CDH13: variants seen among roughly 807,000 people sequenced by gnomAD.
CDH13 encodes cadherin-13.
A neutral mutation model predicts 63.8 loss-of-function variants in CDH13; 24 were observed. That is an observed-to-expected ratio of 0.38 (90% CI 0.27 to 0.53). The LOEUF is 0.53. Ranked by LOEUF, CDH13 falls within the 20% of genes least tolerant of loss-of-function variation. The pLI is 0.85. For synonymous variants in CDH13, 503 were observed against 355.3 expected (o/e 1.42, Z -4.67); for missense variants, 1,049 against 903.1 (o/e 1.16, Z -2.07).
chr16:83,331,774 A>G (rs2090485204), intron 5 of CDH13, among the ~76,000 whole-genome samples: 2 of 152,192 alleles, frequency 1.3e-5, no homozygotes, highest in Non-Finnish European at 2.9e-5. Context: ...TACCATTAGT[A>G]TATTTTTACA....
intron 3 of CDH13, among the ~76,000 whole-genome samples, chr16:83,074,307 C>A (rs1439966575): frequency 6.6e-6 from 1 of 152,162 alleles, no homozygotes; most frequent in Non-Finnish European, 1.5e-5. Context: ...AAGGTTGCAG[C>A]AAATAATATG....
chr16:82,673,519 C>G (rs1053496725), intron 1 of CDH13, among the ~76,000 whole-genome samples: 1 of 152,178 alleles, frequency 6.6e-6, no homozygotes. Context: ...AACCCCAGCC[C>G]TGGTGGAGCT....
intron 7 of CDH13, among the ~76,000 whole-genome samples, chr16:83,526,957 C>A (rs1490539868): frequency 6.6e-6 from 1 of 151,974 alleles, no homozygotes; most frequent in Non-Finnish European, 1.5e-5. Context: ...CATGGTGAAA[C>A]CCCGTCTATA....
intron 2 of CDH13, among the ~76,000 whole-genome samples, chr16:82,938,861 G>A (rs1261984408): frequency 6.6e-6 from 1 of 152,174 alleles, no homozygotes; most frequent in African/African-American, 2.4e-5. Context: ...GTTCCCTTCA[G>A]CTGGAGGTAC....
intron 8 of CDH13, among the ~76,000 whole-genome samples, chr16:83,609,890 C>T (rs933421176): frequency 3.3e-5 from 5 of 152,044 alleles, no homozygotes; most frequent in Admixed American, 6.5e-5. Flanking sequence ...GCCCATTCCC[C>T]CACGCTGGCC....
intron 2 of CDH13, among the ~76,000 whole-genome samples, chr16:82,908,590 C>T (rs563138445): frequency 6.6e-6 from 1 of 152,132 alleles, no homozygotes; most frequent in Non-Finnish European, 1.5e-5. Context: ...CAGATATTCC[C>T]TTTTCCTCCT....
At chr16:83,215,656 C>T (rs1326112808) in intron 4 of CDH13, among the ~76,000 whole-genome samples, 2 of 145,510 alleles carry the variant, frequency 1.4e-5, no homozygotes, top group Non-Finnish European at 3.0e-5. Context: ...GGTGGTGGAG[C>T]AGGGGGCGGG....
intron 2 of CDH13, among the ~76,000 whole-genome samples, chr16:82,960,068 G>T (rs1010562830): frequency 6.6e-6 from 1 of 152,172 alleles, no homozygotes; most frequent in African/African-American, 2.4e-5. Context: ...TCCTATTCAT[G>T]TTTTAAAAAC....
chr16:82,859,928 A>G lies in CDH13; in HGVS notation c.157+1455A>G, dbSNP rs560741806. 8.5e-5 allele frequency among the ~76,000 whole-genome samples: 13 copies of G among 152,334 alleles called. No homozygotes were observed. The East Asian group carries it at 2.5e-3, about 29-fold the overall frequency. ...TAATTAGTCTGTAATGACAAGGTGC[A>G]GGGCTGGCACAATAAGTGAATTCCA... is the stretch of plus-strand genomic sequence containing the variant. On this transcript the variant is annotated intron_variant, in intron 2 of 13. Coordinates refer to ENST00000567109, the MANE Select transcript of CDH13 (RefSeq NM_001257.5).
intron 7 of CDH13, among the ~76,000 whole-genome samples, chr16:83,563,200 T>C (rs1469635454): frequency 6.6e-6 from 1 of 152,236 alleles, no homozygotes; most frequent in African/African-American, 2.4e-5. Flanking sequence ...TGCTTCCTCT[T>C]CTTAGGAGTC....
chr16:82,907,006 A>G (rs12596930), intron 2 of CDH13, among the ~76,000 whole-genome samples: 44,282 of 152,068 alleles, frequency 0.29, 8,030 homozygotes, highest in East Asian at 0.81. Flanking sequence ...GAGGTTCTGG[A>G]TGAACATGGA....
intron 3 of CDH13, among the ~76,000 whole-genome samples, chr16:83,078,036 C>G (rs545011903): frequency 6.6e-6 from 1 of 152,276 alleles, no homozygotes; most frequent in East Asian, 1.9e-4. Context: ...TTGTTTTTGG[C>G]TTGGCTAAAG....
chr16:83,300,825 G>A (rs1432916661), intron 5 of CDH13, among the ~76,000 whole-genome samples: 1 of 152,080 alleles, frequency 6.6e-6, no homozygotes, highest in African/African-American at 2.4e-5. Context: ...ACATTTTACT[G>A]TGTATGTGAT....
At chr16:83,275,840 G>A (rs113433439) in intron 5 of CDH13, among the ~76,000 whole-genome samples, 4,146 of 152,282 alleles carry the variant, frequency 0.027, 84 homozygotes, top group Non-Finnish European at 0.043. Flanking sequence ...GAAGGAAAGA[G>A]GGGTGAGGGA....
intron 1 of CDH13, among the ~76,000 whole-genome samples, chr16:82,836,403 G>A (rs1438751905): frequency 1.3e-5 from 2 of 152,132 alleles, no homozygotes; most frequent in South Asian, 2.1e-4. Context: ...ACCCGCCTTG[G>A]CCTCCCAAAG....
intron 6 of CDH13, among the ~76,000 whole-genome samples, chr16:83,454,877 T>C (rs1260284496): frequency 6.6e-6 from 1 of 152,088 alleles, no homozygotes. Flanking sequence ...TGGCTAAGTT[T>C]TGTATTTTTT....
chr16:83,429,909 C>G (rs993067376), intron 6 of CDH13, among the ~76,000 whole-genome samples: 1 of 152,194 alleles, frequency 6.6e-6, no homozygotes, highest in Non-Finnish European at 1.5e-5. Context: ...TTCAGCTTGC[C>G]TGGCTGAAAA....
intron 5 of CDH13, among the ~76,000 whole-genome samples, chr16:83,302,403 A>C (rs1184113426): frequency 6.6e-6 from 1 of 152,212 alleles, no homozygotes; most frequent in Non-Finnish European, 1.5e-5. Flanking sequence ...CAGCTCTGTA[A>C]ATATTAGTCG....
rs181347568 is a variant in CDH13, at chr16:82,662,741, T to C, written c.45+35604T>C. On this transcript the variant is annotated intron_variant, in intron 1 of 13. Coordinates refer to ENST00000567109, the MANE Select transcript of CDH13 (RefSeq NM_001257.5). ...AAGGGGGCAGATCACTGGGCTTAAATGTCAAATAGCGCCTGAGAGGCTTAA... is the reference window on the plus strand; with the variant it reads ...AAGGGGGCAGATCACTGGGCTTAAACGTCAAATAGCGCCTGAGAGGCTTAA... Among the ~76,000 whole-genome samples the C allele has an allele frequency of 1.1e-4, 17 of 152,318 alleles. No individual in the cohort carries two copies. The East Asian group carries it at 3.1e-3, about 28-fold the overall frequency.
Sources: gnomAD v4.1 joint callset for allele counts (sites outside exome capture counted in the v4.1 genomes callset) on GRCh38, gnomAD v4.1.1 for gene constraint, MANE v1.5 for transcripts, NCBI Gene and HGNC (gene_info 2026-07-23, HGNC 2026-07-21) for gene names.